Variants in PCSK6 observed in about 807,000 individuals in gnomAD.
The protein encoded by PCSK6 is paired basic amino acid cleaving enzyme 4.
In PCSK6, 85 loss-of-function variants were observed where a neutral mutation model predicts 123.3. That is an observed-to-expected ratio of 0.69 (90% CI 0.58 to 0.83). The LOEUF is 0.83. Ranked by LOEUF, PCSK6 falls within the 40% of genes least tolerant of loss-of-function variation. The pLI, the probability that PCSK6 is intolerant of heterozygous loss-of-function variation, is 0.00. For synonymous variants in PCSK6, 508 were observed against 516.0 expected, an observed-to-expected ratio of 0.98 and a Z score of 0.21; for missense variants, 1,191 against 1,282.3, an observed-to-expected ratio of 0.93 and a Z score of 1.09.
chr15:101,321,997 C>CA (rs757084461), intron 18 of PCSK6, among the ~76,000 whole-genome samples: 2 of 152,224 alleles, frequency 1.3e-5, no homozygotes, highest in Non-Finnish European at 2.9e-5. Context: ...ATTCCAAGAA[C>CA]AATCATTAAC....
At chr15:101,453,334 C>T (rs2057083834) in intron 1 of PCSK6, among the ~76,000 whole-genome samples, 1 of 152,240 alleles carries the variant, frequency 6.6e-6, no homozygotes, top group Admixed American at 6.5e-5. Flanking sequence ...GCACACGCCC[C>T]TGCTCCCCGC....
At chr15:101,466,187 A>G (rs531094262) in intron 1 of PCSK6, among the ~76,000 whole-genome samples, 37 of 152,300 alleles carry the variant, frequency 2.4e-4, no homozygotes, top group South Asian at 2.1e-3. Context: ...ACAACAATAA[A>G]AGCCACATAA....
intron 2 of PCSK6, among the ~76,000 whole-genome samples, chr15:101,435,933 G>T (rs912959756): frequency 1.3e-5 from 2 of 152,340 alleles, no homozygotes; most frequent in African/African-American, 4.8e-5. Flanking sequence ...TCAGCGAGCA[G>T]CCATGGGCAG....
At chr15:101,401,627 G>A (rs1036554471) in intron 6 of PCSK6, among the ~76,000 whole-genome samples, 7 of 152,180 alleles carry the variant, frequency 4.6e-5, no homozygotes, top group Non-Finnish European at 8.8e-5. Flanking sequence ...AAGTTCTCCC[G>A]TCTCGCTGAG....
intron 6 of PCSK6, among the ~76,000 whole-genome samples, chr15:101,424,272 G>A (rs111605035): frequency 0.094 from 13,979 of 149,356 alleles, 828 homozygotes; most frequent in Non-Finnish European, 0.13. Context: ...AACAAATCAC[G>A]TTTCTTAAAA....
chr15:101,342,766 G>A (rs940526047), intron 13 of PCSK6, among the ~76,000 whole-genome samples: 3 of 152,252 alleles, frequency 2.0e-5, no homozygotes, highest in Non-Finnish European at 4.4e-5. Context: ...GCTGGGTGTG[G>A]TGGCGCATGC....
chr15:101,440,685 T>C (rs751781285), intron 2 of PCSK6, among the ~76,000 whole-genome samples: 1 of 152,238 alleles, frequency 6.6e-6, no homozygotes, highest in Non-Finnish European at 1.5e-5. Flanking sequence ...CTTTTCCTTT[T>C]GTTAATAATA....
chr15:101,437,062 T>G (rs1344746568), intron 2 of PCSK6, among the ~76,000 whole-genome samples: 1 of 152,140 alleles, frequency 6.6e-6, no homozygotes, highest in East Asian at 1.9e-4. Flanking sequence ...GGCATGAGCA[T>G]GATGTCTTTT....
intron 7 of PCSK6, 45 bp from the exon 8 acceptor site, chr15:101,393,469 C>T (rs1195298671): frequency 1.1e-5 from 16 of 1,512,128 alleles, no homozygotes; most frequent in South Asian, 2.4e-5. Flanking sequence ...AGCAGAACCT[C>T]GTAGGGTGGG....
At chr15:101,436,572 C>T (rs74032881) in intron 2 of PCSK6, among the ~76,000 whole-genome samples, 2,221 of 152,324 alleles carry the variant, frequency 0.015, 47 homozygotes, top group African/African-American at 0.048. Context: ...CATACCTCGG[C>T]ACCCAGGAGC....
intron 17 of PCSK6, among the ~76,000 whole-genome samples, chr15:101,323,745 A>G (rs932304621): frequency 6.6e-6 from 1 of 151,246 alleles, no homozygotes; most frequent in African/African-American, 2.4e-5. Context: ...AAAAAAAAAA[A>G]AGGGGGTGTC....
chr15:101,418,556 G>A (rs534158664), intron 6 of PCSK6, among the ~76,000 whole-genome samples: 305 of 148,504 alleles, frequency 2.1e-3, no homozygotes, highest in Middle Eastern at 6.8e-3. Flanking sequence ...AAGTCTTACA[G>A]GGCTGCAGTG....
intron 11 of PCSK6, among the ~76,000 whole-genome samples, chr15:101,374,776 A>T (rs771003659): frequency 1.1e-4 from 16 of 152,198 alleles, no homozygotes; most frequent in Non-Finnish European, 1.8e-4. Context: ...AGCAGGTCGG[A>T]GGGCACACAG....
chr15:101,320,586 T>C, intron 18 of PCSK6, among the ~76,000 whole-genome samples: 1 of 152,188 alleles, frequency 6.6e-6, no homozygotes, highest in East Asian at 1.9e-4. Flanking sequence ...CTCCTCTGCA[T>C]AGATGGCGGA....
chr15:101,416,268 T>C (rs1397220076), intron 6 of PCSK6, among the ~76,000 whole-genome samples: 1 of 152,246 alleles, frequency 6.6e-6, no homozygotes, highest in African/African-American at 2.4e-5. Flanking sequence ...GCAAAGAGAC[T>C]GGCAGAATTT....
intron 1 of PCSK6, among the ~76,000 whole-genome samples, chr15:101,485,453 G>C (rs62027244): frequency 1.3e-5 from 2 of 151,976 alleles, no homozygotes; most frequent in Non-Finnish European, 2.9e-5. Context: ...TCTTCATTTT[G>C]AAATTTATTT....
chr15:101,329,860 C>T (rs2040337395), intron 15 of PCSK6, among the ~76,000 whole-genome samples: 1 of 152,226 alleles, frequency 6.6e-6, no homozygotes, highest in African/African-American at 2.4e-5. Context: ...CCAAGCTCTT[C>T]CCTGCCTCCT....
At chr15:101,313,111 A>G (rs935402852) in intron 20 of PCSK6, 19 of 1,416,486 alleles carry the variant, frequency 1.3e-5, no homozygotes, top group Middle Eastern at 1.9e-4. Context: ...TAGTCCACCA[A>G]TGGGGTGTGA....
intron 13 of PCSK6, among the ~76,000 whole-genome samples, chr15:101,348,075 A>G (rs949588182): frequency 8.5e-5 from 13 of 152,214 alleles, no homozygotes; most frequent in Non-Finnish European, 1.5e-4. Flanking sequence ...TGCCCCCTCC[A>G]GGCAGCCAGA....
Sources: allele counts gnomAD v4.1 joint callset (sites outside exome capture counted in the v4.1 genomes callset), GRCh38; gene constraint gnomAD v4.1.1; transcripts MANE v1.5; gene names NCBI Gene and HGNC (gene_info 2026-07-23, HGNC 2026-07-21).